LRP5: variants seen among roughly 807,000 people sequenced by gnomAD.
LRP5 encodes LDL receptor related protein 5.
LRP5 carries 62 observed loss-of-function variants against 154.1 expected under a neutral mutation model. That is an observed-to-expected ratio of 0.40 (90% confidence interval 0.33 to 0.50). The LOEUF is 0.50. Among genes scored for constraint, LRP5 ranks in the 20% least tolerant of loss-of-function variants. The pLI, the probability that LRP5 is intolerant of heterozygous loss-of-function variation, is 0.55. For missense variants in LRP5, 1,915 were observed against 2,336.7 expected (o/e 0.82, Z 3.72); for synonymous variants, 966 against 1,011.5 (o/e 0.96, Z 0.85).
the LRP5 span, among the ~76,000 whole-genome samples, chr11:68,305,725 G>C: frequency 6.6e-6 from 1 of 152,168 alleles, no homozygotes. Context: ...TTACAGGCGT[G>C]AGCCACCATG....
chr11:68,392,138 C>CA (rs2098646694), intron 7 of LRP5, among the ~76,000 whole-genome samples: 1 of 152,212 alleles, frequency 6.6e-6, no homozygotes, highest in Non-Finnish European at 1.5e-5. Flanking sequence ...CATCAGCCGT[C>CA]ACACGCAGCT....
chr11:68,308,743 CCT>C (rs960196085), upstream of LRP5, among the ~76,000 whole-genome samples: 1 of 151,892 alleles, frequency 6.6e-6, no homozygotes, highest in Non-Finnish European at 1.5e-5. Flanking sequence ...CAGCACAGCC[CCT>C]TTCTTTTTTT....
chr11:68,354,693 G>A (rs750086100), intron 2 of LRP5, among the ~76,000 whole-genome samples: 13 of 152,226 alleles, frequency 8.5e-5, no homozygotes, highest in Non-Finnish European at 1.5e-4. Flanking sequence ...TATGATGGCC[G>A]GGCTCGGGCC....
intron 5 of LRP5, among the ~76,000 whole-genome samples, chr11:68,379,986 A>G (rs2098639406): frequency 6.6e-6 from 1 of 152,212 alleles, no homozygotes; most frequent in Admixed American, 6.5e-5. Context: ...ACAAAAAGTT[A>G]GCCAGGCGTG....
chr11:68,354,577 G>T (rs923819948), intron 2 of LRP5, among the ~76,000 whole-genome samples: 3 of 152,230 alleles, frequency 2.0e-5, no homozygotes, highest in Non-Finnish European at 4.4e-5. Context: ...GGCGTCTGCC[G>T]CAGGCACGCG....
Position 68,413,430 on chromosome 11 carries a change from C to T in LRP5, c.2504-259C>T, listed in dbSNP as rs1449996132. Reference sequence around the variant, plus strand: ...AGGCCTGACATGATGAGAACAAGAACCTGGAGTCTCGCTGCCTGGGTGGTA... The same window carrying T: ...AGGCCTGACATGATGAGAACAAGAATCTGGAGTCTCGCTGCCTGGGTGGTA... On this transcript the variant is annotated intron_variant, in intron 11 of 22. Transcript: ENST00000294304. The surrounding 1 kb of genome is among the most constrained non-coding windows in gnomAD (Gnocchi z 5.1). Among the ~76,000 whole-genome samples, 2 of 152,196 alleles carry T rather than the reference C, an allele frequency of 1.3e-5. No individual in the cohort carries two copies. The highest frequency in any genetic ancestry group is 4.8e-5 in the African/African-American group (2 of 41,446).
chr11:68,391,178 A>G (rs1164569324), intron 7 of LRP5, among the ~76,000 whole-genome samples: 1 of 152,208 alleles, frequency 6.6e-6, no homozygotes, highest in African/African-American at 2.4e-5. Flanking sequence ...CATGTTGGTC[A>G]GGCTGGTCTG....
intron 5 of LRP5, among the ~76,000 whole-genome samples, chr11:68,377,640 C>G (rs2098638084): frequency 6.6e-6 from 1 of 152,232 alleles, no homozygotes. Context: ...GCTGGGAAGC[C>G]ACTGTGGCCA....
intron 5 of LRP5, among the ~76,000 whole-genome samples, chr11:68,372,238 T>G (rs572941598): frequency 1.3e-5 from 2 of 149,508 alleles, no homozygotes; most frequent in African/African-American, 5.0e-5. Flanking sequence ...GGAGGTGCAG[T>G]GTCAGGCAGA....
chr11:68,351,249 C>T (rs1157503132), intron 2 of LRP5, among the ~76,000 whole-genome samples: 1 of 152,026 alleles, frequency 6.6e-6, no homozygotes, highest in East Asian at 1.9e-4. Flanking sequence ...TCCCTGGAGC[C>T]CCTCGTATGC....
At chr11:68,385,519 A>G (rs1255687268) in intron 5 of LRP5, among the ~76,000 whole-genome samples, 1 of 152,104 alleles carries the variant, frequency 6.6e-6, no homozygotes, top group East Asian at 1.9e-4. Flanking sequence ...GCCCCATCCA[A>G]GGAGCCAGGG....
At chr11:68,368,540 C>T (rs2098632327) in intron 5 of LRP5, among the ~76,000 whole-genome samples, 1 of 152,232 alleles carries the variant, frequency 6.6e-6, no homozygotes, top group South Asian at 2.1e-4. Flanking sequence ...GAGTAAGGGG[C>T]TGTCTGCACT....
chr11:68,377,176 C>G (rs1003037252), intron 5 of LRP5, among the ~76,000 whole-genome samples: 1 of 152,048 alleles, frequency 6.6e-6, no homozygotes, highest in African/African-American at 2.4e-5. Context: ...CAGAGGCAGG[C>G]AGTGGGGGGC....
At position 68,394,748 on chromosome 11, in the gene LRP5, G is replaced by A. The variant is rs190158086; in HGVS notation, c.1584+4696G>A. ...CAAAGTGCTGGGATTACAGGCGTGA[G>A]CCACCGCGCCCGGCCCGATTTCCCA... On this transcript the variant is annotated intron_variant, in intron 7 of 22. Coordinates refer to ENST00000294304, the MANE Select transcript of LRP5 (RefSeq NM_002335.4). 6.2e-3 allele frequency among the ~76,000 whole-genome samples: 947 copies of A among 152,318 alleles called. 6 individuals are homozygous for A. Among genetic ancestry groups the A allele is most frequent in the Non-Finnish European group, 9.8e-3 (665 of 68,022 alleles).
At chr11:68,422,527 G>C (rs1343764691) in intron 13 of LRP5, among the ~76,000 whole-genome samples, 1 of 152,152 alleles carries the variant, frequency 6.6e-6, no homozygotes, top group Non-Finnish European at 1.5e-5. Context: ...AGCTCAGTAA[G>C]AGCCCTTCGA....
intron 1 of LRP5, among the ~76,000 whole-genome samples, chr11:68,328,321 T>C (rs1352777332): frequency 6.6e-6 from 1 of 152,250 alleles, no homozygotes; most frequent in Non-Finnish European, 1.5e-5. Flanking sequence ...GGCATGTCTT[T>C]ATTATTATTA....
chr11:68,376,245 G>T lies in LRP5; in HGVS notation c.1016-10071G>T, dbSNP rs185875364. Among the ~76,000 whole-genome samples the T allele has an allele frequency of 3.0e-3, 433 of 146,436 alleles. 3 individuals are homozygous for T. Among genetic ancestry groups the T allele is most frequent in the African/African-American group, 0.01 (399 of 39,652 alleles). On this transcript the variant is annotated intron_variant, in intron 5 of 22. Transcript: ENST00000294304. ...CACCTAGGCTGGAGTGCAATGGCGC[G>T]ATCTCCGCTAACTGCAACCTCTGCC...
In LRP5 at chr11:68,411,647, T is replaced by A. The variant is rs777692910; in HGVS notation, c.2503+27T>A. 8.1e-6 allele frequency: 13 copies of A among 1,595,262 alleles called. No homozygotes were observed. In the South Asian group the frequency reaches 1.0e-4, roughly 12 times the overall value. The stretch of plus-strand genomic sequence containing the variant: ...TGAGGGCCGGGCTGGGGCCTTCTGG[T>A]CATGGAGGGCGGGGCAGCCGGGCGT... On this transcript the variant is annotated intron_variant, in intron 11 of 22. Coordinates refer to ENST00000294304, the MANE Select transcript of LRP5 (RefSeq NM_002335.4).
At chr11:68,422,517 A>T (rs1377782242) in intron 13 of LRP5, among the ~76,000 whole-genome samples, 1 of 152,112 alleles carries the variant, frequency 6.6e-6, no homozygotes, top group East Asian at 1.9e-4. Flanking sequence ...CTCCTACGTC[A>T]GCTCAGTAAG....
Sources: gnomAD v4.1 joint callset for allele counts (sites outside exome capture counted in the v4.1 genomes callset) on GRCh38, gnomAD v4.1.1 for gene constraint, Gnocchi (gnomAD v3.1) non-coding constraint, MANE v1.5 for transcripts, NCBI Gene and HGNC (gene_info 2026-07-23, HGNC 2026-07-21) for gene names.